CSMD3: variants seen among roughly 807,000 people sequenced by gnomAD.
CSMD3 encodes CUB and Sushi multiple domains 3.
A neutral mutation model predicts 435.2 loss-of-function variants in CSMD3; 177 were observed. That is an observed-to-expected ratio of 0.41 (90% CI 0.36 to 0.46). The LOEUF is 0.46. Among genes scored for constraint, CSMD3 ranks in the 20% least tolerant of loss-of-function variants. CSMD3 has a pLI of 0.34. For missense variants in CSMD3, 4,265 were observed against 4,504.6 expected, an observed-to-expected ratio of 0.95 and a Z score of 1.52; for synonymous variants, 1,656 against 1,520.5, an observed-to-expected ratio of 1.09 and a Z score of -2.07.
intron 57 of CSMD3, among the ~76,000 whole-genome samples, chr8:112,288,054 G>A (rs1164111408): frequency 1.3e-5 from 2 of 151,618 alleles, no homozygotes; most frequent in Non-Finnish European, 2.9e-5. Context: ...GAGAGAGAAG[G>A]GTTGAAAATA....
At chr8:113,364,258 T>TA (rs200394125) in intron 1 of CSMD3, among the ~76,000 whole-genome samples, 22,632 of 151,350 alleles carry the variant, frequency 0.15, 2,260 homozygotes, top group African/African-American at 0.29. Flanking sequence ...TTTTTTTTTT[T>TA]AAAAAGGATC....
At chr8:112,545,120 A>G (rs1055039370) in intron 27 of CSMD3, among the ~76,000 whole-genome samples, 9 of 152,108 alleles carry the variant, frequency 5.9e-5, no homozygotes, top group Non-Finnish European at 1.0e-4. Context: ...CTTACGTATC[A>G]TTCAAACCAC....
chr8:113,409,688 C>T (rs999666266), intron 1 of CSMD3, among the ~76,000 whole-genome samples: 3 of 152,134 alleles, frequency 2.0e-5, no homozygotes, highest in East Asian at 1.9e-4. Flanking sequence ...TTAATATTGA[C>T]GGCAGTTACT....
chr8:112,982,049 C>T (rs1295121363), intron 6 of CSMD3, among the ~76,000 whole-genome samples: 3 of 151,806 alleles, frequency 2.0e-5, no homozygotes, highest in Non-Finnish European at 4.4e-5. Flanking sequence ...AATAGTATCT[C>T]TCTCTCAAAA....
At chr8:112,462,946 T>C (rs1397549906) in intron 32 of CSMD3, among the ~76,000 whole-genome samples, 3 of 152,204 alleles carry the variant, frequency 2.0e-5, no homozygotes, top group Admixed American at 1.3e-4. Context: ...CTCCCTTCTC[T>C]GCTCTCTCAC....
At chr8:113,024,652 A>T (rs2131201757) in intron 5 of CSMD3, among the ~76,000 whole-genome samples, 1 of 152,270 alleles carries the variant, frequency 6.6e-6, no homozygotes, top group East Asian at 1.9e-4. Context: ...TTCTGACTAA[A>T]GTGAAGTGAT....
chr8:112,909,425 C>G (rs988858740), intron 10 of CSMD3, among the ~76,000 whole-genome samples: 5 of 151,118 alleles, frequency 3.3e-5, no homozygotes, highest in Non-Finnish European at 7.4e-5. Context: ...TTTAAAAAAT[C>G]AAATAATCGA....
chr8:112,336,802 A>G lies in CSMD3; in HGVS notation c.6869T>C (p.Met2290Thr). The change falls in exon 44 of 71, where the codon ATG becomes ACG. Residue 2290 changes from methionine (M) to threonine (T), a missense_variant. Physicochemically the swap from Met to Thr is moderately conservative, Grantham distance 81 (BLOSUM62 -1). Coordinates refer to ENST00000297405, the MANE Select transcript of CSMD3 (RefSeq NM_198123.2). ...EALCGGNITA[M>T]NGTIYSPGYP... ...CCCAGGAGAATAAATGGTGCCATTC[A>G]TTGCAGTTATATTCCCACCACAAAG... 6.2e-7 allele frequency: 1 copy of G among 1,613,514 alleles called. No homozygotes were observed. Among genetic ancestry groups the G allele is most frequent in the Non-Finnish European group, 8.5e-7 (1 of 1,179,566 alleles).
At chr8:113,344,468 G>A (rs1340171141) in intron 1 of CSMD3, among the ~76,000 whole-genome samples, 1 of 152,106 alleles carries the variant, frequency 6.6e-6, no homozygotes, top group East Asian at 1.9e-4. Flanking sequence ...GAACAGAATT[G>A]GAGATGCAGG....
chr8:113,139,842 T>G (rs1349740261), intron 4 of CSMD3, among the ~76,000 whole-genome samples: 1 of 151,146 alleles, frequency 6.6e-6, no homozygotes, highest in Admixed American at 6.6e-5. Context: ...ATAGCCATAT[T>G]AACAGCAAAA....
At chr8:113,376,743 G>A in intron 1 of CSMD3, 2 of 1,613,940 alleles carry the variant, frequency 1.2e-6, no homozygotes, top group Non-Finnish European at 1.7e-6. Context: ...TCTACCTGAG[G>A]CTGTCTGTCG....
At chr8:113,312,998 A>T (rs915094127) in intron 2 of CSMD3, 1 of 152,208 alleles carries the variant, frequency 6.6e-6, no homozygotes, top group African/African-American at 2.4e-5. Flanking sequence ...GTTTTTGCAC[A>T]ACAAAGTTTG....
intron 15 of CSMD3, among the ~76,000 whole-genome samples, chr8:112,684,066 A>T (rs2075960157): frequency 6.6e-6 from 1 of 151,922 alleles, no homozygotes; most frequent in South Asian, 2.1e-4. Context: ...TAAATTATTT[A>T]CTATAGAACA....
chr8:112,970,586 C>A (rs72682182), intron 7 of CSMD3, among the ~76,000 whole-genome samples: 3,398 of 151,952 alleles, frequency 0.022, 60 homozygotes, highest in South Asian at 0.031. Context: ...TTCCTTCAAA[C>A]ATAAAACAAC....
chr8:112,755,131 A>G (rs1373922638), intron 13 of CSMD3, among the ~76,000 whole-genome samples: 1 of 151,986 alleles, frequency 6.6e-6, no homozygotes, highest in East Asian at 2.0e-4. Flanking sequence ...GCAGATCGAG[A>G]CCATCTTGGC....
At chr8:113,397,242 T>G (rs979324835) in intron 1 of CSMD3, among the ~76,000 whole-genome samples, 10 of 152,174 alleles carry the variant, frequency 6.6e-5, no homozygotes, top group Non-Finnish European at 1.0e-4. Context: ...TCTTTAAATT[T>G]GTTTTTTTCC....
chr8:113,282,301 T>C (rs1232151708), intron 2 of CSMD3, among the ~76,000 whole-genome samples: 1 of 151,966 alleles, frequency 6.6e-6, no homozygotes, highest in Non-Finnish European at 1.5e-5. Flanking sequence ...TGTTTGCTGA[T>C]GATATGATCG....
At chr8:112,891,336 T>A (rs1267048797) in intron 10 of CSMD3, among the ~76,000 whole-genome samples, 3 of 151,654 alleles carry the variant, frequency 2.0e-5, no homozygotes, top group African/African-American at 4.8e-5. Flanking sequence ...CCATAGAGCC[T>A]CCTTCACAAC....
intron 7 of CSMD3, among the ~76,000 whole-genome samples, chr8:112,975,362 A>C (rs1305123527): frequency 2.6e-5 from 4 of 152,132 alleles, no homozygotes; most frequent in Non-Finnish European, 4.4e-5. Flanking sequence ...TTTCCCAATC[A>C]AACTGTACAT....
Sources: allele counts gnomAD v4.1 joint callset (sites outside exome capture counted in the v4.1 genomes callset), GRCh38; gene constraint gnomAD v4.1.1; transcripts MANE v1.5; gene names NCBI Gene and HGNC (gene_info 2026-07-23, HGNC 2026-07-21).